Variants in SHISAL1 observed in about 807,000 individuals in gnomAD.
The protein encoded by SHISAL1 is shisa like 1.
SHISAL1 carries 9 observed loss-of-function variants against 22.6 expected under a neutral mutation model. The ratio of observed to expected loss-of-function variants is 0.40; its 90% confidence interval spans 0.24 to 0.70. The LOEUF (loss-of-function observed/expected upper bound fraction) is 0.70. SHISAL1 is among the 30% of genes least tolerant of loss of function. The pLI is 0.39. For synonymous variants in SHISAL1, 119 were observed against 115.4 expected, an observed-to-expected ratio of 1.03 and a Z score of -0.20; for missense variants, 246 against 270.6, an observed-to-expected ratio of 0.91 and a Z score of 0.64.
intron 3 of SHISAL1, among the ~76,000 whole-genome samples, chr22:44,287,548 C>T (rs2055324865): frequency 6.6e-6 from 1 of 152,266 alleles, no homozygotes; most frequent in South Asian, 2.1e-4. Context: ...GCCTCCTTGC[C>T]CCCACCTCCC....
chr22:44,254,863 A>C (rs985439105), intron 4 of SHISAL1, among the ~76,000 whole-genome samples: 10 of 152,188 alleles, frequency 6.6e-5, no homozygotes, highest in Admixed American at 6.5e-4. Flanking sequence ...TCTCACCATC[A>C]CTTAGCCCCT....
rs540107142 is a variant in SHISAL1 at position 44,250,038 on chromosome 22, A to G, written c.*-353T>C. ...GAATGGAGAGTGCAGACATAGACGT[A>G]TAATAGTCAACCTATAAGACATCAG... is the stretch of plus-strand genomic sequence containing the variant. On this transcript the variant is annotated intron_variant, in intron 4 of 4. Coordinates refer to ENST00000381176, the MANE Select transcript of SHISAL1 (RefSeq NM_001099294.2). 1.1e-4 allele frequency among the ~76,000 whole-genome samples: 17 copies of G among 152,376 alleles called. No individual in the cohort carries two copies. In the South Asian group the frequency reaches 3.1e-3, roughly 28 times the overall value.
At chr22:44,290,434 C>A (rs1489075436) in intron 3 of SHISAL1, among the ~76,000 whole-genome samples, 2 of 150,718 alleles carry the variant, frequency 1.3e-5, no homozygotes, top group African/African-American at 4.9e-5. Flanking sequence ...GAGGCTGAGG[C>A]AGGGGAATTG....
intron 3 of SHISAL1, among the ~76,000 whole-genome samples, chr22:44,294,036 C>G (rs1253883910): frequency 6.6e-6 from 1 of 152,222 alleles, no homozygotes; most frequent in Non-Finnish European, 1.5e-5. Flanking sequence ...TTGGAGAAGT[C>G]TGGTTGTTTT....
At chr22:44,285,216 GCT>G (rs1477844412) in intron 4 of SHISAL1, among the ~76,000 whole-genome samples, 1 of 152,180 alleles carries the variant, frequency 6.6e-6, no homozygotes, top group African/African-American at 2.4e-5. Context: ...TTGCTTCTAA[GCT>G]CTGTTTCCAC....
At chr22:44,271,467 C>T (rs982572911) in intron 4 of SHISAL1, among the ~76,000 whole-genome samples, 1 of 152,208 alleles carries the variant, frequency 6.6e-6, no homozygotes. Flanking sequence ...AGGGAGTGAG[C>T]ACCCTCCAGC....
chr22:44,308,217 G>A (rs568198505), intron 1 of SHISAL1, among the ~76,000 whole-genome samples: 6 of 152,356 alleles, frequency 3.9e-5, no homozygotes, highest in Admixed American at 2.0e-4. Context: ...AGTGAGGCAT[G>A]GAAGCCTTGG....
the SHISAL1 span, among the ~76,000 whole-genome samples, chr22:44,323,867 A>G: frequency 6.6e-6 from 1 of 152,228 alleles, no homozygotes; most frequent in Non-Finnish European, 1.5e-5. Context: ...AGCAGTGGTG[A>G]TAATAATTCC....
chr22:44,245,769 G>C lies in SHISAL1; in HGVS notation c.*3916C>G, dbSNP rs2054994903. 1 of 152,268 alleles carries C rather than the reference G, an allele frequency of 6.6e-6. No individual in the cohort carries two copies. Among genetic ancestry groups the C allele is most frequent in the African/African-American group, 2.4e-5 (1 of 41,452 alleles). The allele number at this position is 152,268 out of a possible 1,614,324, so 9.4% of individuals were successfully genotyped here. A position where few individuals can be genotyped will look rare whatever the true frequency, so the allele number is the denominator to read the frequency against. On this transcript the variant is annotated 3_prime_UTR_variant, in exon 5 of 5. Coordinates refer to ENST00000381176, the MANE Select transcript of SHISAL1 (RefSeq NM_001099294.2). Reference sequence around the variant, plus strand: ...ACGGTGAACTGGAAACCATCTCCTGGCCAAAGAAGCCTGTTAACCCCTAGC... The same window carrying C: ...ACGGTGAACTGGAAACCATCTCCTGCCCAAAGAAGCCTGTTAACCCCTAGC...
the SHISAL1 span, among the ~76,000 whole-genome samples, chr22:44,322,498 C>T: frequency 6.6e-6 from 1 of 152,220 alleles, no homozygotes; most frequent in Non-Finnish European, 1.5e-5. Context: ...CCCTGTCACC[C>T]ACTGCATGGA....
In SHISAL1 at chr22:44,259,368, G is replaced by A. The variant is rs143870246; in HGVS notation, c.*-9683C>T. Among the ~76,000 whole-genome samples the A allele has an allele frequency of 1.6e-3, 236 of 152,180 alleles. 10 individuals are homozygous for A. In the East Asian group the frequency reaches 0.04, roughly 26 times the overall value. On this transcript the variant is annotated intron_variant, in intron 4 of 4. Coordinates refer to ENST00000381176, the MANE Select transcript of SHISAL1 (RefSeq NM_001099294.2). ...CAGGAGAATCACTTAAACCTGGGAG[G>A]CGGAGGTTGCAGTGAGCCGATATCG...
rs2055006496 is a variant in SHISAL1 at position 44,246,954 on chromosome 22, C to G, written c.*2731G>C. On this transcript the variant is annotated 3_prime_UTR_variant, in exon 5 of 5. Transcript: ENST00000381176. ...GCTGCCCAAGAGGGACTTGGCAGAG[C>G]AGCAGGACCACAAACCCCATGGGTT... is the stretch of plus-strand genomic sequence containing the variant. The G allele has an allele frequency of 6.6e-6, 1 of 152,040 alleles. No homozygotes were observed. The highest frequency in any genetic ancestry group is 2.4e-5 in the African/African-American group (1 of 41,356). 9.4% of individuals were successfully genotyped at this position (152,040 alleles called of 1,614,324 possible).
chr22:44,299,913 C>G (rs1457789059), intron 2 of SHISAL1, among the ~76,000 whole-genome samples: 1 of 139,520 alleles, frequency 7.2e-6, no homozygotes, highest in Non-Finnish European at 1.5e-5. Context: ...GAGACAGAGA[C>G]AGAAACAGAG....
At chr22:44,253,013 T>TA (rs201393616) in intron 4 of SHISAL1, among the ~76,000 whole-genome samples, 1,734 of 148,414 alleles carry the variant, frequency 0.012, 30 homozygotes, top group African/African-American at 0.04. Context: ...ATAAAAAAAA[T>TA]AAAAAAAAAG....
chr22:44,277,136 A>C (rs4547630), intron 4 of SHISAL1, among the ~76,000 whole-genome samples: 6,252 of 152,274 alleles, frequency 0.041, 462 homozygotes, highest in African/African-American at 0.14. Context: ...AGTCTGGTGG[A>C]CCGTGAATGC....
the SHISAL1 span, among the ~76,000 whole-genome samples, chr22:44,323,346 TCATCCATCCATG>T: frequency 1.0e-5 from 1 of 96,654 alleles, no homozygotes; most frequent in Non-Finnish European, 2.0e-5. Context: ...ATCCACCCAT[TCATCCATCCATG>T]CATCCATCCA....
At position 44,285,752 on chromosome 22, in the gene SHISAL1, A is replaced by T. The variant is rs888616438; in HGVS notation, c.282-7T>A. On this transcript the variant is annotated splice_region_variant and splice_polypyrimidine_tract_variant and intron_variant, in intron 3 of 4. Coordinates refer to ENST00000381176, the MANE Select transcript of SHISAL1 (RefSeq NM_001099294.2). ...CAACAAGGCGGTGTAATTGCTGCGAACAAACAGAGAGGGAGTGAGCAAGCA... is the reference window on the plus strand; with the variant it reads ...CAACAAGGCGGTGTAATTGCTGCGATCAAACAGAGAGGGAGTGAGCAAGCA... 45 of 1,605,184 alleles carry T rather than the reference A, an allele frequency of 2.8e-5. No homozygotes were observed. The highest frequency in any genetic ancestry group is 3.7e-5 in the Non-Finnish European group (43 of 1,173,626).
chr22:44,320,817 AG>A, the SHISAL1 span, among the ~76,000 whole-genome samples: 1 of 152,134 alleles, frequency 6.6e-6, no homozygotes, highest in African/African-American at 2.4e-5. Context: ...TCGTCCCTAG[AG>A]GGGAAGGCTT....
At chr22:44,263,079 C>CTTTTT (rs922017518) in intron 4 of SHISAL1, among the ~76,000 whole-genome samples, 9 of 88,268 alleles carry the variant, frequency 1.0e-4, no homozygotes, top group Admixed American at 1.4e-4. Flanking sequence ...TTCTTTCTTT[C>CTTTTT]TTTTTTTTTT....
Sources: allele counts gnomAD v4.1 joint callset (sites outside exome capture counted in the v4.1 genomes callset), GRCh38; gene constraint gnomAD v4.1.1; transcripts MANE v1.5; gene names NCBI Gene and HGNC (gene_info 2026-07-23, HGNC 2026-07-21).